The following AZI2 variants were observed in gnomAD, a reference collection of about 807,000 sequenced individuals.
The protein encoded by AZI2 is 5-azacytidine-induced protein 2.
Under a neutral mutation model 45.8 loss-of-function variants are expected in AZI2, and 22 were observed. The observed-to-expected ratio is 0.48, with a 90% confidence interval of 0.34 to 0.69. The LOEUF (loss-of-function observed/expected upper bound fraction) is 0.69. Among genes scored for constraint, AZI2 ranks in the 30% least tolerant of loss-of-function variants. AZI2 has a pLI of 0.01. For missense variants in AZI2, 417 were observed against 441.5 expected, an observed-to-expected ratio of 0.94 and a Z score of 0.50; for synonymous variants, 137 against 156.7, an observed-to-expected ratio of 0.87 and a Z score of 0.94.
At position 28,332,351 on chromosome 3, in the gene AZI2, G is replaced by A. The variant is rs1159721528; in HGVS notation, c.647+18C>T. ...GAAGAAGACAACGTATTGTCTTAAT[G>A]CTGAAGAGTGGTCATACCTTGAAAT... On this transcript the variant is annotated intron_variant, in intron 6 of 7. Coordinates refer to ENST00000479665, the MANE Select transcript of AZI2 (RefSeq NM_022461.5). The A allele has an allele frequency of 2.5e-6, 4 of 1,591,272 alleles. No homozygotes were observed. The highest frequency in any genetic ancestry group is 3.4e-6 in the Non-Finnish European group (4 of 1,160,856).
intron 6 of AZI2, among the ~76,000 whole-genome samples, chr3:28,327,438 T>C (rs1703427347): frequency 6.6e-6 from 1 of 151,014 alleles, no homozygotes; most frequent in South Asian, 2.1e-4. Context: ...TAAAATAAAA[T>C]TTAGGTTTCA....
intron 7 of AZI2, 200 bp from the exon 8 acceptor site, chr3:28,324,654 T>C (rs1195815150): frequency 2.3e-6 from 1 of 426,190 alleles, no homozygotes; most frequent in Non-Finnish European, 4.0e-6. Context: ...TTACTGTGAC[T>C]TTAGATATTT....
chr3:28,335,504 T>A (rs1425430400), intron 5 of AZI2, among the ~76,000 whole-genome samples: 9 of 151,914 alleles, frequency 5.9e-5, no homozygotes, highest in Non-Finnish European at 1.2e-4. Context: ...AAAAACCACT[T>A]TGACTCTAAC....
At chr3:28,335,208 A>C (rs1168900910) in intron 5 of AZI2, among the ~76,000 whole-genome samples, 2 of 152,036 alleles carry the variant, frequency 1.3e-5, no homozygotes, top group African/African-American at 4.8e-5. Context: ...AGCAACACCA[A>C]AATTATGAGC....
At chr3:28,345,867 CAT>C (rs111962535) in intron 1 of AZI2, among the ~76,000 whole-genome samples, 97 of 152,142 alleles carry the variant, frequency 6.4e-4, no homozygotes, top group African/African-American at 2.3e-3. Flanking sequence ...ATTATCCTGT[CAT>C]ATTTCATCAT....
chr3:28,346,968 G>A (rs1262994001), intron 1 of AZI2, among the ~76,000 whole-genome samples: 1 of 152,142 alleles, frequency 6.6e-6, no homozygotes, highest in African/African-American at 2.4e-5. Flanking sequence ...AACAAACTGC[G>A]TTAGTCCAGA....
chr3:28,337,917 A>T lies in AZI2; in HGVS notation c.439+20T>A, dbSNP rs770756125. The T allele has an allele frequency of 2.8e-5, 39 of 1,401,080 alleles. No homozygotes were observed. The Middle Eastern group carries it at 9.1e-4, about 33-fold the overall frequency. 86.8% of individuals were successfully genotyped at this position (1,401,080 alleles called of 1,614,324 possible). On this transcript the variant is annotated intron_variant, in intron 4 of 7. Transcript: ENST00000479665. ...ATATGTTAATTCTGTTAGAATATTT[A>T]TAACAAGTAACTGGCATACCCTGCT...
intron 1 of AZI2, among the ~76,000 whole-genome samples, chr3:28,343,496 C>A (rs1344993138): frequency 6.6e-6 from 1 of 151,348 alleles, no homozygotes; most frequent in Non-Finnish European, 1.5e-5. Flanking sequence ...AAAACACAGG[C>A]CTGGACATGA....
At chr3:28,327,211 C>T in intron 6 of AZI2, among the ~76,000 whole-genome samples, 1 of 151,026 alleles carries the variant, frequency 6.6e-6, no homozygotes, top group Non-Finnish European at 1.5e-5. Flanking sequence ...CTGATAAGAG[C>T]TTCTTGCAGA....
At chr3:28,347,094 A>G (rs1054095996) in intron 1 of AZI2, among the ~76,000 whole-genome samples, 2 of 152,174 alleles carry the variant, frequency 1.3e-5, no homozygotes, top group African/African-American at 4.8e-5. Flanking sequence ...CTAAGCATCT[A>G]CTATACATTC....
At position 28,338,417 on chromosome 3, in the gene AZI2, A is replaced by C. The variant is rs1703882207; in HGVS notation, c.339+76T>G. ...ATTACTAAATGTAAATATTTAACTT[A>C]CTTCTAATTTTAAACCTCTTGAAGG... On this transcript the variant is annotated intron_variant, in intron 3 of 7. Transcript: ENST00000479665. 4 of 1,411,964 alleles carry C rather than the reference A, an allele frequency of 2.8e-6. No individual in the cohort carries two copies. The South Asian group carries it at 6.5e-5, about 23-fold the overall frequency. The allele number at this position is 1,411,964 out of a possible 1,614,324, so 87.5% of individuals were successfully genotyped here. A position where few individuals can be genotyped will look rare whatever the true frequency, so the allele number is the denominator to read the frequency against.
chr3:28,330,269 T>A (rs1215079051), intron 6 of AZI2, among the ~76,000 whole-genome samples: 1 of 151,274 alleles, frequency 6.6e-6, no homozygotes, highest in Non-Finnish European at 1.5e-5. Context: ...AATTAAAAGG[T>A]TCACTCTATC....
Position 28,336,889 on chromosome 3 carries a change from CAAAA to C in AZI2, c.440-8_440-5del. ...GGTGGATTTAAATTCCTCATCACTACAAAAAGGATGGACACTGAAATTGTTATCT... is the reference window on the plus strand; with the variant it reads ...GGTGGATTTAAATTCCTCATCACTACAGGATGGACACTGAAATTGTTATCT... On this transcript the variant is annotated splice_polypyrimidine_tract_variant and splice_region_variant and intron_variant, in intron 4 of 7. Coordinates refer to ENST00000479665, the MANE Select transcript of AZI2 (RefSeq NM_022461.5). 1 of 1,611,428 alleles carries C rather than the reference CAAAA, an allele frequency of 6.2e-7. No homozygotes were observed. Among genetic ancestry groups the C allele is most frequent in the Non-Finnish European group, 8.5e-7 (1 of 1,178,782 alleles).
chr3:28,326,300 T>G (rs1703385202), intron 7 of AZI2, among the ~76,000 whole-genome samples: 1 of 151,018 alleles, frequency 6.6e-6, no homozygotes, highest in East Asian at 1.9e-4. Context: ...TTTTGTTTGG[T>G]TGAAGGGCAT....
chr3:28,336,494 TA>T (rs1703794245), intron 5 of AZI2, among the ~76,000 whole-genome samples: 1 of 152,028 alleles, frequency 6.6e-6, no homozygotes, highest in African/African-American at 2.4e-5. Flanking sequence ...ATAAGCTTAC[TA>T]AAAATCAACC....
At chr3:28,338,179 C>CT in intron 3 of AZI2, 143 bp from the exon 4 acceptor site, 1 of 496,544 alleles carries the variant, frequency 2.0e-6, no homozygotes, top group South Asian at 5.3e-5. Context: ...TCAGAAATGT[C>CT]TTTTTTTCTT....
At chr3:28,326,633 C>G (rs1703402074) in intron 7 of AZI2, 199 bp downstream of exon 7, 2 of 580,800 alleles carry the variant, frequency 3.4e-6, no homozygotes, top group South Asian at 3.7e-5. Context: ...GAAGAAAAAA[C>G]ACATCAGCAA....
In AZI2 at chr3:28,323,750, A is replaced by T; in HGVS notation, c.*292T>A. The T allele has an allele frequency of 4.5e-6, 1 of 220,172 alleles. No homozygotes were observed. The highest frequency in any genetic ancestry group is 8.8e-6 in the Non-Finnish European group (1 of 113,468). The allele number at this position is 220,172 out of a possible 1,614,324, so 13.6% of individuals were successfully genotyped here. Reference sequence around the variant, plus strand: ...CCAATTCCATTCTTCTGAGAGGCAAAATTTTACAATTAATATAGAAGGCAG... The same window carrying T: ...CCAATTCCATTCTTCTGAGAGGCAATATTTTACAATTAATATAGAAGGCAG... On this transcript the variant is annotated 3_prime_UTR_variant, in exon 8 of 8. Coordinates refer to ENST00000479665, the MANE Select transcript of AZI2 (RefSeq NM_022461.5).
intron 6 of AZI2, among the ~76,000 whole-genome samples, chr3:28,330,782 A>G (rs1281868944): frequency 1.3e-5 from 2 of 151,432 alleles, no homozygotes; most frequent in African/African-American, 2.4e-5. Context: ...GAGCACTAAG[A>G]GAGCCACTGG....
Sources: allele counts gnomAD v4.1 joint callset (sites outside exome capture counted in the v4.1 genomes callset), GRCh38; gene constraint gnomAD v4.1.1; transcripts MANE v1.5; gene names NCBI Gene and HGNC (gene_info 2026-07-23, HGNC 2026-07-21).